The following PRR5 variants were observed in gnomAD, a reference collection of about 807,000 sequenced individuals.
PRR5 encodes the protein proline-rich protein 5.
Under a neutral mutation model 30.6 loss-of-function variants are expected in PRR5, and 25 were observed. The ratio of observed to expected loss-of-function variants is 0.82; its 90% CI spans 0.60 to 1.14. The LOEUF is 1.14. Ranked by LOEUF, PRR5 falls within the 50% of genes most tolerant of loss-of-function variation. PRR5 has a pLI of 0.00. For missense variants in PRR5, 600 were observed against 547.1 expected (o/e 1.10, Z -0.96); for synonymous variants, 286 against 247.1 (o/e 1.16, Z -1.48).
upstream of PRR5, among the ~76,000 whole-genome samples, chr22:44,675,999 A>G (rs1033432789): frequency 1.3e-5 from 2 of 151,944 alleles, no homozygotes; most frequent in African/African-American, 2.4e-5. Flanking sequence ...TTTGTCCCCC[A>G]TGAGCGGGGA....
intron 4 of PRR5, chr22:44,730,826 G>A (rs748347812): frequency 2.0e-5 from 9 of 441,208 alleles, no homozygotes; most frequent in Admixed American, 1.8e-4. Flanking sequence ...CTGGGCCACT[G>A]ACTGTGGTGC....
chr22:44,706,550 G>A (rs757955532), intron 1 of PRR5, among the ~76,000 whole-genome samples: 8 of 152,180 alleles, frequency 5.3e-5, no homozygotes, highest in Non-Finnish European at 8.8e-5. Flanking sequence ...TCTCTTTTGA[G>A]AGAGGGTCTT....
intron 6 of PRR5, among the ~76,000 whole-genome samples, chr22:44,733,465 C>T (rs948977025): frequency 1.3e-5 from 2 of 152,202 alleles, no homozygotes; most frequent in Non-Finnish European, 2.9e-5. Flanking sequence ...TGAGGACACT[C>T]GGGACCCTCA....
upstream of PRR5, among the ~76,000 whole-genome samples, chr22:44,674,006 G>A (rs924511873): frequency 6.6e-6 from 1 of 152,200 alleles, no homozygotes; most frequent in Non-Finnish European, 1.5e-5. Context: ...AGAGTCTGGA[G>A]AACGGGCTCT....
chr22:44,703,357 G>A (rs1276452724), intron 1 of PRR5, among the ~76,000 whole-genome samples: 2 of 134,334 alleles, frequency 1.5e-5, no homozygotes, highest in East Asian at 3.9e-4. Context: ...CACTGTTCGG[G>A]GGAGGCTGTG....
chr22:44,684,094 G>T (rs11913945), intron 1 of PRR5, among the ~76,000 whole-genome samples: 13,474 of 152,244 alleles, frequency 0.089, 1,421 homozygotes, highest in African/African-American at 0.26. Flanking sequence ...CCGGGCCAGA[G>T]GGGTGGGCTG....
At chr22:44,732,505 G>A in intron 6 of PRR5, 114 bp downstream of exon 6, 1 of 1,439,316 alleles carries the variant, frequency 6.9e-7, no homozygotes, top group Non-Finnish European at 9.3e-7. Context: ...TTAAGGAAGG[G>A]CCCGATCAGA....
At chr22:44,688,852 G>A (rs1280404056) in intron 1 of PRR5, among the ~76,000 whole-genome samples, 1 of 152,114 alleles carries the variant, frequency 6.6e-6, no homozygotes, top group Non-Finnish European at 1.5e-5. Context: ...GCCGGGCATG[G>A]TGGTGCACGC....
At chr22:44,679,179 G>A (rs1211432696) in intron 1 of PRR5, among the ~76,000 whole-genome samples, 1 of 152,172 alleles carries the variant, frequency 6.6e-6, no homozygotes, top group Non-Finnish European at 1.5e-5. Context: ...TTATTCATGC[G>A]AGGGAGGCAG....
intron 3 of PRR5, among the ~76,000 whole-genome samples, chr22:44,725,754 TC>T (rs1478032903): frequency 1.3e-5 from 2 of 152,168 alleles, no homozygotes; most frequent in African/African-American, 4.8e-5. Context: ...AACCTCTGCC[TC>T]CCGGGTTCAA....
At chr22:44,733,228 T>C (rs116195128) in intron 6 of PRR5, among the ~76,000 whole-genome samples, 7,259 of 152,298 alleles carry the variant, frequency 0.048, 249 homozygotes, top group Admixed American at 0.083. Flanking sequence ...CAGGGGTTTC[T>C]GCACACGGCC....
At chr22:44,736,260 C>T (rs1410722419) in intron 7 of PRR5, among the ~76,000 whole-genome samples, 1 of 152,216 alleles carries the variant, frequency 6.6e-6, no homozygotes, top group African/African-American at 2.4e-5. Context: ...GATGGAATCC[C>T]CGCCTTGACC....
chr22:44,729,808 C>T lies in PRR5; in HGVS notation c.323-1922C>T, dbSNP rs1326999987. The T allele has an allele frequency of 5.1e-6, 5 of 985,394 alleles. No individual in the cohort carries two copies. In the African/African-American group the frequency reaches 8.7e-5, roughly 17 times the overall value. The allele number at this position is 985,394 out of a possible 1,614,324, so 61.0% of individuals were successfully genotyped here. A position where few individuals can be genotyped will look rare whatever the true frequency, so the allele number is the denominator to read the frequency against. ...TTCCGCAGCATTTCCGCCCCGTGGG[C>T]TGGAGAACAGCCTGCGCTGAGCAGA... is the stretch of plus-strand genomic sequence containing the variant. On this transcript the variant is annotated intron_variant, in intron 4 of 7. Transcript: ENST00000336985.
chr22:44,710,981 C>T (rs1387710024), intron 1 of PRR5, among the ~76,000 whole-genome samples: 1 of 151,900 alleles, frequency 6.6e-6, no homozygotes, highest in East Asian at 1.9e-4. Context: ...CACTGAACCA[C>T]TGAGTGATTA....
intron 1 of PRR5, among the ~76,000 whole-genome samples, chr22:44,693,696 C>T (rs954527089): frequency 1.4e-5 from 2 of 145,152 alleles, no homozygotes; most frequent in South Asian, 2.3e-4. Flanking sequence ...GTGGCTCACT[C>T]GGCTCAGTGC....
Position 44,732,306 on chromosome 22 carries a change from C to A in PRR5, c.470C>A (p.Thr157Asn). The A allele has an allele frequency of 6.2e-7, 1 of 1,612,446 alleles. No homozygotes were observed. Residue 157 changes from threonine (T) to asparagine (N), a missense_variant, in exon 6 of 8, where the codon ACC becomes AAC. By Grantham distance (65) the Thr-to-Asn change is moderately conservative. Transcript: ENST00000336985. Reference sequence around the variant, plus strand: ...CTGCTGCACTTCCGGAATGCCATCACCCTCAGTGTGAAGCTAGAGGATGCG... The same window carrying A: ...CTGCTGCACTTCCGGAATGCCATCAACCTCAGTGTGAAGCTAGAGGATGCG... ...LALLHFRNAI[T>N]LSVKLEDALA...
At chr22:44,692,004 T>C (rs1333749716) in intron 1 of PRR5, among the ~76,000 whole-genome samples, 1 of 152,130 alleles carries the variant, frequency 6.6e-6, no homozygotes, top group Non-Finnish European at 1.5e-5. Flanking sequence ...GGCTGTTTCC[T>C]GCCTCCCTAC....
chr22:44,678,665 C>T (rs1219657052), intron 1 of PRR5, among the ~76,000 whole-genome samples: 1 of 152,194 alleles, frequency 6.6e-6, no homozygotes, highest in African/African-American at 2.4e-5. Context: ...AGAAAGTCTT[C>T]CTGGCTGCCT....
At chr22:44,699,565 T>TTCATCCA (rs1926071247), upstream of PRR5, among the ~76,000 whole-genome samples, 1 of 152,248 alleles carries the variant, frequency 6.6e-6, no homozygotes, top group South Asian at 2.1e-4. Context: ...GAGATAAATG[T>TTCATCCA]TCATCCATCC....
Sources: gnomAD v4.1 joint callset for allele counts (sites outside exome capture counted in the v4.1 genomes callset) on GRCh38, gnomAD v4.1.1 for gene constraint, MANE v1.5 for transcripts, NCBI Gene and HGNC (gene_info 2026-07-23, HGNC 2026-07-21) for gene names.